Variants in LHX4 observed in about 807,000 individuals in gnomAD.
The protein encoded by LHX4 is LIM/homeobox protein Lhx4.
A neutral mutation model predicts 39.2 loss-of-function variants in LHX4; 16 were observed. The observed-to-expected ratio is 0.41, with a 90% confidence interval of 0.28 to 0.62. The LOEUF (loss-of-function observed/expected upper bound fraction) is 0.62. Among genes scored for constraint, LHX4 ranks in the 20% least tolerant of loss-of-function variants. The pLI is 0.33. For synonymous variants in LHX4, 206 were observed against 198.1 expected (o/e 1.04, Z -0.33); for missense variants, 439 against 511.9 (o/e 0.86, Z 1.37).
chr1:180,251,773 C>A (rs577053925), intron 2 of LHX4, among the ~76,000 whole-genome samples: 63 of 152,344 alleles, frequency 4.1e-4, no homozygotes, highest in Middle Eastern at 3.4e-3. Context: ...TGCTCTGCTT[C>A]ATGAAATGAC....
intron 2 of LHX4, among the ~76,000 whole-genome samples, chr1:180,249,926 T>A (rs1647548583): frequency 6.6e-6 from 1 of 151,214 alleles, no homozygotes; most frequent in East Asian, 2.0e-4. Flanking sequence ...TGTGTGAGAG[T>A]GTGTGTGGGT....
At chr1:180,233,476 C>T (rs1048114462) in intron 1 of LHX4, among the ~76,000 whole-genome samples, 3 of 152,230 alleles carry the variant, frequency 2.0e-5, no homozygotes, top group African/African-American at 7.2e-5. Context: ...AGCGCCTGAC[C>T]CGGGGCCGTG....
At chr1:180,251,072 C>T (rs1457188985) in intron 2 of LHX4, among the ~76,000 whole-genome samples, 1 of 152,224 alleles carries the variant, frequency 6.6e-6, no homozygotes, top group Non-Finnish European at 1.5e-5. Flanking sequence ...ACCCTTCCCA[C>T]CCGGTGAGTC....
rs375232367 is a variant in LHX4, at chr1:180,248,469, G to A, written c.248+13G>A. The A allele has an allele frequency of 1.1e-4, 185 of 1,613,540 alleles. No homozygotes were observed. The highest frequency in any genetic ancestry group is 1.5e-4 in the Non-Finnish European group (179 of 1,179,962). On this transcript the variant is annotated intron_variant, in intron 2 of 5. Coordinates refer to ENST00000263726, the MANE Select transcript of LHX4 (RefSeq NM_033343.4). ...AGGACTTCTTCAAGTAAGTCAGAACGGTCCGTCTCGTGGCCCTGGCCTGTC... is the reference window on the plus strand; with the variant it reads ...AGGACTTCTTCAAGTAAGTCAGAACAGTCCGTCTCGTGGCCCTGGCCTGTC...
intron 2 of LHX4, among the ~76,000 whole-genome samples, chr1:180,259,218 G>A (rs1647997327): frequency 6.6e-6 from 1 of 152,080 alleles, no homozygotes; most frequent in Non-Finnish European, 1.5e-5. Flanking sequence ...CCAGGGAGAG[G>A]GGAGCTGACC....
intron 1 of LHX4, among the ~76,000 whole-genome samples, chr1:180,246,584 G>A (rs1449478284): frequency 6.6e-6 from 1 of 152,152 alleles, no homozygotes; most frequent in Non-Finnish European, 1.5e-5. Context: ...GGTGGTATGC[G>A]CCTGTAATCC....
At chr1:180,233,199 A>G (rs1337908807) in intron 1 of LHX4, among the ~76,000 whole-genome samples, 3 of 152,220 alleles carry the variant, frequency 2.0e-5, no homozygotes, top group Admixed American at 2.0e-4. Flanking sequence ...CAAATGATGT[A>G]ATAATTTCTC....
intron 1 of LHX4, among the ~76,000 whole-genome samples, chr1:180,244,323 G>A (rs1647304563): frequency 6.6e-6 from 1 of 152,158 alleles, no homozygotes; most frequent in South Asian, 2.1e-4. Context: ...CCAAGCCAGA[G>A]GGCCCCGGTT....
At chr1:180,229,769 C>T (rs1664119509), upstream of LHX4, among the ~76,000 whole-genome samples, 1 of 151,368 alleles carries the variant, frequency 6.6e-6, no homozygotes, top group African/African-American at 2.4e-5. Context: ...GGCCCCGGCT[C>T]GGCTCCGCCC....
chr1:180,251,531 A>C (rs1462309136), intron 2 of LHX4, among the ~76,000 whole-genome samples: 2 of 151,330 alleles, frequency 1.3e-5, no homozygotes, highest in Non-Finnish European at 2.9e-5. Flanking sequence ...GAAAAGGCCT[A>C]TCTGTTACTC....
rs144985978 is a variant in LHX4 at position 180,252,267 on chromosome 1, C to A, written c.248+3811C>A. Among the ~76,000 whole-genome samples, 261 of 152,268 alleles carry A rather than the reference C, an allele frequency of 1.7e-3. 2 individuals are homozygous for A. The highest frequency in any genetic ancestry group is 5.8e-3 in the African/African-American group (243 of 41,564). ...GAGACCGTGCTGGGGCAGGAGGGGG[C>A]AAGCAGTCCGTGGAACCCCAGGTCC... On this transcript the variant is annotated intron_variant, in intron 2 of 5. Coordinates refer to ENST00000263726, the MANE Select transcript of LHX4 (RefSeq NM_033343.4).
In LHX4 at chr1:180,278,420, A is replaced by AAAAG. The variant is rs1649171480; in HGVS notation, c.*3843_*3846dup. The AAAAG allele has an allele frequency of 6.6e-6, 1 of 152,116 alleles. No homozygotes were observed. The highest frequency in any genetic ancestry group is 1.9e-4 in the East Asian group (1 of 5,190). 9.4% of individuals were successfully genotyped at this position (152,116 alleles called of 1,614,324 possible). ...TCTAAACAGTGAGTGACTGGAGCCA[A>AAAAG]AAAGAGAGAGCTCAGCAAAGCCATC... On this transcript the variant is annotated 3_prime_UTR_variant, in exon 6 of 6. Coordinates refer to ENST00000263726, the MANE Select transcript of LHX4 (RefSeq NM_033343.4).
chr1:180,260,823 C>T (rs935556536), intron 2 of LHX4, among the ~76,000 whole-genome samples: 1 of 151,836 alleles, frequency 6.6e-6, no homozygotes, highest in African/African-American at 2.4e-5. Flanking sequence ...GTTTGCTGCC[C>T]TTGAAGCCCG....
chr1:180,269,005 G>A (rs185234384), intron 3 of LHX4, among the ~76,000 whole-genome samples: 40 of 152,194 alleles, frequency 2.6e-4, no homozygotes, highest in Non-Finnish European at 4.3e-4. Flanking sequence ...CACTTGTTCC[G>A]TCTCCCTGGA....
At chr1:180,242,343 G>T (rs1467177152) in intron 1 of LHX4, among the ~76,000 whole-genome samples, 1 of 152,070 alleles carries the variant, frequency 6.6e-6, no homozygotes, top group Non-Finnish European at 1.5e-5. Context: ...ACATGTGACT[G>T]GTACATGCAT....
chr1:180,243,165 T>A (rs1452667925), intron 1 of LHX4, among the ~76,000 whole-genome samples: 1 of 152,144 alleles, frequency 6.6e-6, no homozygotes, highest in Non-Finnish European at 1.5e-5. Flanking sequence ...ATTTTTGTTT[T>A]TTTAGTAGAG....
intron 2 of LHX4, among the ~76,000 whole-genome samples, chr1:180,261,816 G>A (rs1648124201): frequency 6.6e-6 from 1 of 152,174 alleles, no homozygotes; most frequent in African/African-American, 2.4e-5. Flanking sequence ...CCATTCTTAA[G>A]GAACTGCCAA....
At position 180,262,970 on chromosome 1, in the gene LHX4, G is replaced by A. The variant is rs1421416980; in HGVS notation, c.249-3422G>A. On this transcript the variant is annotated intron_variant, in intron 2 of 5. Transcript: ENST00000263726. ...TGGATCAGCTCCAGCTGCTCTCCTG[G>A]GGGGACTGGTTGTCCCCAGAGGCCT... Among the ~76,000 whole-genome samples the A allele has an allele frequency of 2.0e-5, 3 of 152,172 alleles. No homozygotes were observed. In the East Asian group the frequency reaches 5.8e-4, roughly 29 times the overall value.
At chr1:180,237,496 G>A (rs904457831) in intron 1 of LHX4, among the ~76,000 whole-genome samples, 5 of 152,200 alleles carry the variant, frequency 3.3e-5, no homozygotes, top group African/African-American at 1.2e-4. Context: ...AGGTGGACAG[G>A]TTGGGTTTAA....
Sources: gnomAD v4.1 joint callset for allele counts (sites outside exome capture counted in the v4.1 genomes callset) on GRCh38, gnomAD v4.1.1 for gene constraint, MANE v1.5 for transcripts, NCBI Gene and HGNC (gene_info 2026-07-23, HGNC 2026-07-21) for gene names.